MSRA: variants seen among roughly 807,000 people sequenced by gnomAD.
MSRA encodes methionine sulfoxide reductase A.
Under a neutral mutation model 31.3 loss-of-function variants are expected in MSRA, and 54 were observed. That is an observed-to-expected ratio of 1.73 (90% CI 1.39 to 2.17). The LOEUF (loss-of-function observed/expected upper bound fraction) is 2.17. Among genes scored for constraint, MSRA ranks in the 30% most tolerant of loss-of-function variants. The pLI, the probability that MSRA is intolerant of heterozygous loss-of-function variation, is 0.00. For missense variants in MSRA, 507 were observed against 300.9 expected (o/e 1.69, Z -5.07); for synonymous variants, 169 against 116.5 (o/e 1.45, Z -2.90).
intron 1 of MSRA, among the ~76,000 whole-genome samples, chr8:10,111,222 A>G (rs990471847): frequency 6.6e-6 from 1 of 152,162 alleles, no homozygotes; most frequent in Non-Finnish European, 1.5e-5. Context: ...CAGTACATGA[A>G]TGTATGGAGA....
chr8:10,285,118 C>G (rs2129110529), intron 3 of MSRA, among the ~76,000 whole-genome samples: 1 of 152,114 alleles, frequency 6.6e-6, no homozygotes, highest in East Asian at 1.9e-4. Flanking sequence ...AGCCCATTCC[C>G]TTCGTCGTGC....
At chr8:10,056,921 G>C (rs1459256407) in intron 1 of MSRA, among the ~76,000 whole-genome samples, 2 of 152,190 alleles carry the variant, frequency 1.3e-5, no homozygotes, top group African/African-American at 4.8e-5. Context: ...TGTTTCTTTA[G>C]TGCGTTTAGA....
rs750629719 is a variant in MSRA, at chr8:10,245,158, A to G, written c.266A>G (p.Tyr89Cys). ...ERKFWVLKGVYSTQVGFAGGY... is the reference protein window; with the variant it reads ...ERKFWVLKGVCSTQVGFAGGY... Reference sequence around the variant, plus strand: ...AAATTCTGGGTCTTGAAAGGAGTGTATTCAACTCAAGTTGGTTTTGCAGGA... The same window carrying G: ...AAATTCTGGGTCTTGAAAGGAGTGTGTTCAACTCAAGTTGGTTTTGCAGGA... Residue 89 changes from tyrosine (Y) to cysteine (C), a missense_variant, in exon 3 of 6, where the codon TAT becomes TGT. Coordinates refer to ENST00000317173, the MANE Select transcript of MSRA (RefSeq NM_012331.5). 3.1e-5 allele frequency: 50 copies of G among 1,613,588 alleles called. No individual in the cohort carries two copies. Among genetic ancestry groups the G allele is most frequent in the South Asian group, 2.5e-4 (23 of 91,062 alleles).
At chr8:10,067,421 G>A (rs557103646) in intron 1 of MSRA, among the ~76,000 whole-genome samples, 10 of 152,240 alleles carry the variant, frequency 6.6e-5, no homozygotes, top group South Asian at 2.1e-4. Context: ...TTCACCTACT[G>A]AATAAATATG....
At chr8:10,235,869 T>C (rs974239124) in intron 2 of MSRA, among the ~76,000 whole-genome samples, 2 of 152,156 alleles carry the variant, frequency 1.3e-5, no homozygotes, top group Non-Finnish European at 2.9e-5. Flanking sequence ...AATAAAGTTA[T>C]AATAAATCTT....
chr8:10,129,048 A>G (rs966720460), intron 1 of MSRA, among the ~76,000 whole-genome samples: 1 of 152,196 alleles, frequency 6.6e-6, no homozygotes, highest in Non-Finnish European at 1.5e-5. Flanking sequence ...TAAAGATGGT[A>G]TCTCAACTCT....
chr8:10,161,187 A>G (rs1004830170), intron 1 of MSRA, among the ~76,000 whole-genome samples: 3 of 152,276 alleles, frequency 2.0e-5, no homozygotes, highest in African/African-American at 4.8e-5. Context: ...GCCTGGTTCA[A>G]TGAGGGGCTG....
intron 1 of MSRA, among the ~76,000 whole-genome samples, chr8:10,083,275 A>G (rs1290250373): frequency 6.6e-6 from 1 of 152,152 alleles, no homozygotes; most frequent in African/African-American, 2.4e-5. Flanking sequence ...CAAATCTAAA[A>G]CTCACTTTAG....
chr8:10,299,298 T>C (rs1402339146), intron 3 of MSRA, among the ~76,000 whole-genome samples: 1 of 152,154 alleles, frequency 6.6e-6, no homozygotes, highest in Non-Finnish European at 1.5e-5. Context: ...GTCATGTTGA[T>C]AACATATTAC....
intron 4 of MSRA, among the ~76,000 whole-genome samples, chr8:10,305,433 G>A (rs764427923): frequency 1.1e-4 from 14 of 123,264 alleles, no homozygotes; most frequent in African/African-American, 2.5e-4. Flanking sequence ...TTTTTTTTCC[G>A]GATGGAGTCT....
At chr8:10,419,423 G>C (rs913611097) in intron 5 of MSRA, among the ~76,000 whole-genome samples, 2 of 152,188 alleles carry the variant, frequency 1.3e-5, no homozygotes, top group East Asian at 3.9e-4. Context: ...GTGAATTCAA[G>C]TAAGGTCTGT....
chr8:10,159,733 A>T (rs1384585421), intron 1 of MSRA, among the ~76,000 whole-genome samples: 1 of 152,200 alleles, frequency 6.6e-6, no homozygotes. Flanking sequence ...TTAAGTCTTC[A>T]TTTCCAGCAA....
intron 3 of MSRA, among the ~76,000 whole-genome samples, chr8:10,284,350 G>A (rs774745908): frequency 1.8e-4 from 28 of 151,866 alleles, no homozygotes; most frequent in South Asian, 6.3e-4. Context: ...CACCACACCC[G>A]GCTAATTTTT....
At chr8:10,104,919 C>G (rs1027126210) in intron 1 of MSRA, among the ~76,000 whole-genome samples, 1 of 152,122 alleles carries the variant, frequency 6.6e-6, no homozygotes, top group African/African-American at 2.4e-5. Flanking sequence ...TATCAATGTT[C>G]TTGTCTCACT....
intron 5 of MSRA, among the ~76,000 whole-genome samples, chr8:10,408,562 G>A (rs1180808686): frequency 6.6e-6 from 1 of 152,046 alleles, no homozygotes; most frequent in Non-Finnish European, 1.5e-5. Flanking sequence ...TAATAGAGGA[G>A]TAGGTAATAA....
rs117864284 is a variant in MSRA at position 10,212,039 on chromosome 8, T to C, written c.211+4138T>C. On this transcript the variant is annotated intron_variant, in intron 2 of 5. Coordinates refer to ENST00000317173, the MANE Select transcript of MSRA (RefSeq NM_012331.5). ...TTAAAAAATATTTTATATAAAATATTAGCTGGGTATGGTGGCATGCACCTC... is the reference window on the plus strand; with the variant it reads ...TTAAAAAATATTTTATATAAAATATCAGCTGGGTATGGTGGCATGCACCTC... Among the ~76,000 whole-genome samples, 299 of 152,180 alleles carry C rather than the reference T, an allele frequency of 2.0e-3. 6 individuals are homozygous for C. The South Asian group carries it at 0.036, about 18-fold the overall frequency.
intron 3 of MSRA, among the ~76,000 whole-genome samples, chr8:10,254,508 C>T (rs1482768133): frequency 2.0e-5 from 3 of 152,162 alleles, no homozygotes; most frequent in African/African-American, 4.8e-5. Flanking sequence ...ATGGGTATTA[C>T]AATAGTAGTT....
chr8:10,152,235 G>A (rs927326428), intron 1 of MSRA, among the ~76,000 whole-genome samples: 3 of 152,118 alleles, frequency 2.0e-5, no homozygotes, highest in Admixed American at 6.5e-5. Flanking sequence ...GTATATGTGT[G>A]TATCTAAAAA....
At chr8:10,230,998 G>T (rs549376551) in intron 2 of MSRA, among the ~76,000 whole-genome samples, 1 of 152,152 alleles carries the variant, frequency 6.6e-6, no homozygotes, top group East Asian at 1.9e-4. Context: ...TTGGCCAGGC[G>T]AGTCTCGAAC....
Sources: allele counts gnomAD v4.1 joint callset (sites outside exome capture counted in the v4.1 genomes callset), GRCh38; gene constraint gnomAD v4.1.1; transcripts MANE v1.5; gene names NCBI Gene and HGNC (gene_info 2026-07-23, HGNC 2026-07-21).